FGF14: variants seen among roughly 807,000 people sequenced by gnomAD.
FGF14 encodes the protein fibroblast growth factor homologous factor 4.
Under a neutral mutation model 25.5 loss-of-function variants are expected in FGF14, and 5 were observed. The observed-to-expected ratio is 0.20, with a 90% confidence interval of 0.10 to 0.41. The LOEUF (loss-of-function observed/expected upper bound fraction) is 0.41. Ranked by LOEUF, FGF14 falls within the 10% of genes least tolerant of loss-of-function variation. FGF14 has a pLI of 1.00. For missense variants in FGF14, 222 were observed against 320.1 expected, an observed-to-expected ratio of 0.69 and a Z score of 2.34; for synonymous variants, 138 against 118.3, an observed-to-expected ratio of 1.17 and a Z score of -1.08.
chr13:102,329,732 C>A (rs1036326189), intron 1 of FGF14, among the ~76,000 whole-genome samples: 1 of 152,062 alleles, frequency 6.6e-6, no homozygotes, highest in Non-Finnish European at 1.5e-5. Flanking sequence ...TTACTAAGCA[C>A]CCCTGCTCAG....
chr13:102,104,607 CTCT>C (rs1206974345), intron 1 of FGF14, among the ~76,000 whole-genome samples: 1 of 152,024 alleles, frequency 6.6e-6, no homozygotes, highest in Non-Finnish European at 1.5e-5. Context: ...AAAACCTCAT[CTCT>C]ACAAAAAATA....
intron 1 of FGF14, among the ~76,000 whole-genome samples, chr13:102,166,636 C>G (rs1870111): frequency 0.032 from 4,846 of 152,242 alleles, 250 homozygotes; most frequent in African/African-American, 0.11. Flanking sequence ...CTAAGTGCAA[C>G]AGAGCCGTGC....
intron 1 of FGF14, among the ~76,000 whole-genome samples, chr13:102,269,963 C>G (rs952459019): frequency 3.9e-5 from 6 of 152,188 alleles, no homozygotes; most frequent in Non-Finnish European, 8.8e-5. Context: ...AGTGGAGTTG[C>G]TGTTCAAAGG....
chr13:102,032,215 C>T (rs2041246467), intron 1 of FGF14, among the ~76,000 whole-genome samples: 1 of 152,110 alleles, frequency 6.6e-6, no homozygotes, highest in South Asian at 2.1e-4. Context: ...AATGCAACTG[C>T]TTTCAGCCTT....
In FGF14 at chr13:101,745,516, C is replaced by T. The variant is rs1014894277; in HGVS notation, c.409-18706G>A. Among the ~76,000 whole-genome samples the T allele has an allele frequency of 7.9e-5, 12 of 152,078 alleles. No individual in the cohort carries two copies. The South Asian group carries it at 2.1e-3, about 26-fold the overall frequency. ...CTGTGTCCCACACATTCATCAATTC[C>T]TCCCTTCTAATTTAATCCCTGGTAA... On this transcript the variant is annotated intron_variant, in intron 3 of 4. Coordinates refer to ENST00000376143, the MANE Select transcript of FGF14 (RefSeq NM_004115.4).
intron 1 of FGF14, among the ~76,000 whole-genome samples, chr13:102,091,612 G>A (rs2044168675): frequency 6.6e-6 from 1 of 152,158 alleles, no homozygotes; most frequent in Admixed American, 6.5e-5. Context: ...CCAGCTTCAT[G>A]AGTCTTTCCT....
At chr13:101,917,358 T>C (rs1594722501), upstream of FGF14, among the ~76,000 whole-genome samples, 1 of 151,172 alleles carries the variant, frequency 6.6e-6, no homozygotes, top group East Asian at 2.0e-4. Context: ...ACAAAACGTA[T>C]AGGTAATAAT....
chr13:102,357,555 T>A (rs1305216578), intron 1 of FGF14, among the ~76,000 whole-genome samples: 2 of 152,210 alleles, frequency 1.3e-5, no homozygotes, highest in Non-Finnish European at 2.9e-5. Flanking sequence ...TAAATTTGAA[T>A]CCTGAATCCA....
chr13:102,084,669 T>C (rs2043805392), intron 1 of FGF14, among the ~76,000 whole-genome samples: 2 of 152,158 alleles, frequency 1.3e-5, no homozygotes, highest in African/African-American at 4.8e-5. Context: ...GTTGAGGCAA[T>C]CACAGAAGGA....
chr13:102,058,958 A>G (rs115890883), intron 1 of FGF14, among the ~76,000 whole-genome samples: 1,986 of 152,048 alleles, frequency 0.013, 39 homozygotes, highest in African/African-American at 0.043. Context: ...AAAAAAAAAA[A>G]AAATAGAGAT....
intron 3 of FGF14, among the ~76,000 whole-genome samples, chr13:101,855,177 C>T (rs2044060383): frequency 6.6e-6 from 1 of 152,048 alleles, no homozygotes. Flanking sequence ...TTTGACGTGA[C>T]ATTAATGATA....
intron 1 of FGF14, among the ~76,000 whole-genome samples, chr13:102,157,884 A>C (rs1477630145): frequency 1.3e-5 from 2 of 152,264 alleles, no homozygotes; most frequent in Non-Finnish European, 2.9e-5. Flanking sequence ...ACTTCTCCAA[A>C]GAAGACATTT....
chr13:102,057,000 A>G (rs948313175), intron 1 of FGF14, among the ~76,000 whole-genome samples: 5 of 151,710 alleles, frequency 3.3e-5, no homozygotes, highest in African/African-American at 1.2e-4. Context: ...AATTTTATAC[A>G]ATTTGAATCC....
intron 2 of FGF14, among the ~76,000 whole-genome samples, chr13:101,871,484 G>A (rs2140461353): frequency 6.6e-6 from 1 of 152,240 alleles, no homozygotes; most frequent in East Asian, 1.9e-4. Context: ...GGTGGCCACT[G>A]AGTGATCGAA....
At chr13:102,177,278 G>GT (rs780313301) in intron 1 of FGF14, among the ~76,000 whole-genome samples, 1 of 152,188 alleles carries the variant, frequency 6.6e-6, no homozygotes, top group Non-Finnish European at 1.5e-5. Flanking sequence ...GATAGCCAGA[G>GT]TTTGAGTCTG....
At chr13:101,833,738 T>C (rs1453773055) in intron 3 of FGF14, among the ~76,000 whole-genome samples, 1 of 152,098 alleles carries the variant, frequency 6.6e-6, no homozygotes, top group African/African-American at 2.4e-5. Context: ...ACAGTTCAAA[T>C]TTGCAAGTAA....
intron 1 of FGF14, among the ~76,000 whole-genome samples, chr13:102,322,923 A>G (rs2056300048): frequency 6.6e-6 from 1 of 152,168 alleles, no homozygotes; most frequent in African/African-American, 2.4e-5. Context: ...AAAACAAAAC[A>G]AAGTATAAGC....
At chr13:102,340,988 G>A (rs2056933458) in intron 1 of FGF14, among the ~76,000 whole-genome samples, 1 of 152,104 alleles carries the variant, frequency 6.6e-6, no homozygotes, top group South Asian at 2.1e-4. Flanking sequence ...TGTAATTATG[G>A]TAAGAAAACT....
intron 3 of FGF14, among the ~76,000 whole-genome samples, chr13:101,816,110 A>C (rs972996501): frequency 2.0e-5 from 3 of 151,246 alleles, no homozygotes; most frequent in Admixed American, 6.6e-5. Context: ...TTCTACTAAA[A>C]ATACAAAAAA....
Sources: gnomAD v4.1 joint callset for allele counts (sites outside exome capture counted in the v4.1 genomes callset) on GRCh38, gnomAD v4.1.1 for gene constraint, MANE v1.5 for transcripts, NCBI Gene and HGNC (gene_info 2026-07-23, HGNC 2026-07-21) for gene names.